Variants in ME2 observed in about 807,000 individuals in gnomAD.
ME2 encodes malic enzyme 2.
In ME2, 60 loss-of-function variants were observed where a neutral mutation model predicts 73.7. The ratio of observed to expected loss-of-function variants is 0.81; its 90% CI spans 0.66 to 1.01. The LOEUF (loss-of-function observed/expected upper bound fraction) is 1.01, where lower values mean the gene tolerates loss of function less well. ME2 is among the 50% of genes least tolerant of loss of function. The pLI is 0.00. For synonymous variants in ME2, 199 were observed against 236.9 expected (o/e 0.84, Z 1.47); for missense variants, 594 against 705.5 (o/e 0.84, Z 1.79).
chr18:50,931,665 C>CT (rs994452970), intron 12 of ME2, among the ~76,000 whole-genome samples: 23 of 147,274 alleles, frequency 1.6e-4, no homozygotes, highest in South Asian at 8.6e-4. Context: ...TTTTAAATTT[C>CT]TTTTTTTTTT....
At chr18:50,883,844 C>T (rs1038637246) in intron 1 of ME2, among the ~76,000 whole-genome samples, 14 of 152,106 alleles carry the variant, frequency 9.2e-5, no homozygotes, top group African/African-American at 3.4e-4. Context: ...GCCTGGGTGA[C>T]AGAGCAAGAC....
intron 11 of ME2, among the ~76,000 whole-genome samples, 199 bp from the exon 12 acceptor site, chr18:50,925,557 C>T (rs1294478852): frequency 6.6e-6 from 1 of 152,204 alleles, no homozygotes; most frequent in Non-Finnish European, 1.5e-5. Context: ...TAAGTGAGAA[C>T]TTTCAGCATC....
Position 50,951,314 on chromosome 18 carries a change from A to G in ME2, c.*4130A>G, listed in dbSNP as rs1029856047. The G allele has an allele frequency of 6.6e-6, 1 of 152,134 alleles. No individual in the cohort carries two copies. The highest frequency in any genetic ancestry group is 6.6e-5 in the Admixed American group (1 of 15,264). 9.4% of individuals were successfully genotyped at this position (152,134 alleles called of 1,614,324 possible). ...TCATTATTAAGGAGTATGAAGCATT[A>G]TTTACTGGCTCTCAGATAACAGAAA... is the stretch of plus-strand genomic sequence containing the variant. On this transcript the variant is annotated 3_prime_UTR_variant, in exon 16 of 16. Transcript: ENST00000321341.
chr18:50,934,979 A>T (rs1393276098), intron 13 of ME2: 1 of 152,178 alleles, frequency 6.6e-6, no homozygotes, highest in Non-Finnish European at 1.5e-5. Flanking sequence ...CTTTTCATGG[A>T]AAGTGGACAA....
At chr18:50,893,147 A>C (rs1056460816) in intron 1 of ME2, among the ~76,000 whole-genome samples, 1 of 125,068 alleles carries the variant, frequency 8.0e-6, no homozygotes, top group Admixed American at 8.9e-5. Context: ...AAAAAAAAAA[A>C]AAAAACACCT....
intron 4 of ME2, chr18:50,915,802 G>A (rs775782946): frequency 2.0e-4 from 31 of 156,508 alleles, no homozygotes; most frequent in Non-Finnish European, 3.8e-4. Context: ...TTCAGTTTCA[G>A]TAAGTCTTAA....
intron 12 of ME2, among the ~76,000 whole-genome samples, chr18:50,927,839 G>A (rs1917596801): frequency 7.3e-6 from 1 of 136,138 alleles, no homozygotes; most frequent in Admixed American, 7.6e-5. Context: ...TTTTGAGACA[G>A]GGTCTCTCTT....
chr18:50,885,528 A>T (rs77964701), intron 1 of ME2, among the ~76,000 whole-genome samples: 3,378 of 152,256 alleles, frequency 0.022, 99 homozygotes, highest in African/African-American at 0.07. Context: ...TAAAAAAAAA[A>T]ATATATAAAA....
chr18:50,931,744 G>T (rs945831710), intron 12 of ME2, among the ~76,000 whole-genome samples: 4 of 150,670 alleles, frequency 2.7e-5, no homozygotes, highest in Admixed American at 6.6e-5. Context: ...GCGTGCTATC[G>T]GCTCACTGCA....
chr18:50,936,098 C>T (rs1302377111), intron 13 of ME2, among the ~76,000 whole-genome samples: 1 of 151,848 alleles, frequency 6.6e-6, no homozygotes, highest in Non-Finnish European at 1.5e-5. Context: ...TCAGAATCAC[C>T]ACAAAGAGAA....
chr18:50,917,441 C>T lies in ME2; in HGVS notation c.563C>T (p.Thr188Ile), dbSNP rs761299411. The T allele has an allele frequency of 2.2e-5, 36 of 1,613,322 alleles. No homozygotes were observed. The highest frequency in any genetic ancestry group is 3.3e-5 in the Admixed American group (2 of 59,964). ...GIPVGKLCLY[T>I]ACAGIRPDRC... is the part of the protein sequence containing the mutation. The stretch of plus-strand genomic sequence containing the variant: ...CCAGTAGGAAAACTTTGTTTGTATA[C>T]AGCTTGTGCAGGAATACGGCCTGAT... Residue 188 changes from threonine to isoleucine, a missense_variant, in exon 6 of 16, where the codon ACA becomes ATA. Thr to Ile is a moderately conservative substitution (Grantham distance 89). Transcript: ENST00000321341.
chr18:50,947,188 C>T lies in ME2; in HGVS notation c.*4C>T, dbSNP rs759020947. The T allele has an allele frequency of 3.8e-5, 61 of 1,611,156 alleles. No homozygotes were observed. Among genetic ancestry groups the T allele is most frequent in the Non-Finnish European group, 4.6e-5 (54 of 1,179,338 alleles). On this transcript the variant is annotated 3_prime_UTR_variant, in exon 16 of 16. Transcript: ENST00000321341. ...CCCTCCTGTGATAACAGAATAGAAG[C>T]ACTCCCCTGATAAATACTTTCTGTG...
At chr18:50,942,964 C>T (rs1464009496) in intron 15 of ME2, among the ~76,000 whole-genome samples, 1 of 151,444 alleles carries the variant, frequency 6.6e-6, no homozygotes, top group Non-Finnish European at 1.5e-5. Flanking sequence ...TAAGGGTATT[C>T]TTGTATTTTT....
In ME2 at chr18:50,927,751, T is replaced by C. The variant is rs189978521; in HGVS notation, c.1314+1853T>C. Reference sequence around the variant, plus strand: ...ATATATATATATATATATATATATATACACACCACAGTACTGTTATACCTC... The same window carrying C: ...ATATATATATATATATATATATATACACACACCACAGTACTGTTATACCTC... On this transcript the variant is annotated intron_variant, in intron 12 of 15. Transcript: ENST00000321341. 7.6e-3 allele frequency among the ~76,000 whole-genome samples: 937 copies of C among 123,262 alleles called. 18 individuals are homozygous for C. Among genetic ancestry groups the C allele is most frequent in the African/African-American group, 0.028 (835 of 29,896 alleles). The allele number at this position is 123,262 out of a possible 152,430, so 80.9% of individuals were successfully genotyped here.
intron 10 of ME2, among the ~76,000 whole-genome samples, chr18:50,922,919 G>C (rs576194303): frequency 6.6e-6 from 1 of 152,276 alleles, no homozygotes; most frequent in African/African-American, 2.4e-5. Flanking sequence ...AGTTCTGATG[G>C]AAATACACTT....
rs16952692 is a variant in ME2, at chr18:50,912,899, C to T, written c.341C>T (p.Pro114Leu). 20 of 1,611,062 alleles carry T rather than the reference C, an allele frequency of 1.2e-5. No homozygotes were observed. The highest frequency in any genetic ancestry group is 2.2e-5 in the South Asian group (2 of 90,588). Residue 114 changes from proline (P) to leucine (L), a missense_variant, in exon 4 of 16, where the codon CCG becomes CTG. By Grantham distance (98) the Pro-to-Leu change is moderately conservative. Coordinates refer to ENST00000321341, the MANE Select transcript of ME2 (RefSeq NM_002396.5). ...AGTTTAATGCCAATTGTATATACAC[C>T]GACGGTTGGTCTTGCCTGCTCCCAG... ...IESLMPIVYT[P>L]TVGLACSQYG...
chr18:50,894,748 G>A (rs999611622), intron 1 of ME2, among the ~76,000 whole-genome samples: 10 of 151,542 alleles, frequency 6.6e-5, no homozygotes, highest in African/African-American at 2.4e-4. Context: ...GTGGTGGCGG[G>A]CGCCTGTAGT....
intron 1 of ME2, among the ~76,000 whole-genome samples, chr18:50,879,868 T>A (rs554100519): frequency 2.0e-5 from 3 of 152,334 alleles, no homozygotes; most frequent in African/African-American, 7.2e-5. Flanking sequence ...GGCAGGTGTT[T>A]CTTTCACGCT....
chr18:50,882,490 C>T (rs977505862), intron 1 of ME2, among the ~76,000 whole-genome samples: 6 of 152,082 alleles, frequency 3.9e-5, no homozygotes, highest in Non-Finnish European at 5.9e-5. Flanking sequence ...GCAAGTTTCC[C>T]CTCCCCCACT....
Sources: allele counts gnomAD v4.1 joint callset (sites outside exome capture counted in the v4.1 genomes callset), GRCh38; gene constraint gnomAD v4.1.1; transcripts MANE v1.5; gene names NCBI Gene and HGNC (gene_info 2026-07-23, HGNC 2026-07-21).